EVA1C: variants seen among roughly 807,000 people sequenced by gnomAD.
The protein encoded by EVA1C is eva-1 homolog C.
Under a neutral mutation model 45.4 loss-of-function variants are expected in EVA1C, and 25 were observed. The observed-to-expected ratio is 0.55, with a 90% CI of 0.40 to 0.77. EVA1C has a LOEUF of 0.77. Ranked by LOEUF, EVA1C falls within the 30% of genes least tolerant of loss-of-function variation. The pLI is 0.00. For synonymous variants in EVA1C, 190 were observed against 221.2 expected (o/e 0.86, Z 1.25); for missense variants, 479 against 554.8 (o/e 0.86, Z 1.37).
chr21:32,486,440 G>A (rs1228401408), intron 4 of EVA1C, among the ~76,000 whole-genome samples: 1 of 152,078 alleles, frequency 6.6e-6, no homozygotes, highest in Non-Finnish European at 1.5e-5. Flanking sequence ...TGTTGTTCTT[G>A]ACTAACTTCT....
chr21:32,429,344 A>G (rs2034611488), intron 1 of EVA1C, among the ~76,000 whole-genome samples: 1 of 144,722 alleles, frequency 6.9e-6, no homozygotes, highest in Non-Finnish European at 1.5e-5. Flanking sequence ...CCTGGCCCTC[A>G]ATTTTATTTT....
rs141429643 is a variant in EVA1C, at chr21:32,450,166, C to A, written c.161-3146C>A. 3.3e-3 allele frequency among the ~76,000 whole-genome samples: 498 copies of A among 152,230 alleles called. 2 individuals are homozygous for A. Among genetic ancestry groups the A allele is most frequent in the African/African-American group, 0.011 (462 of 41,528 alleles). ...GGATTGGAGGCTCAGGCCACTGCACCGCACGTACAGGTCTTGATGTAAATG... is the reference window on the plus strand; with the variant it reads ...GGATTGGAGGCTCAGGCCACTGCACAGCACGTACAGGTCTTGATGTAAATG... On this transcript the variant is annotated intron_variant, in intron 1 of 7. Coordinates refer to ENST00000300255, the MANE Select transcript of EVA1C (RefSeq NM_058187.5).
At chr21:32,437,924 T>C (rs1176779807) in intron 1 of EVA1C, among the ~76,000 whole-genome samples, 4 of 152,214 alleles carry the variant, frequency 2.6e-5, no homozygotes, top group Non-Finnish European at 5.9e-5. Context: ...GCTGGAGGCC[T>C]TGGGACTCTA....
intron 6 of EVA1C, among the ~76,000 whole-genome samples, chr21:32,502,138 C>T (rs1363123255): frequency 2.0e-5 from 3 of 151,194 alleles, no homozygotes; most frequent in African/African-American, 4.9e-5. Flanking sequence ...TCGCTCTTGT[C>T]GCCCAGGCTG....
rs2037292507 is a variant in EVA1C, at chr21:32,494,904, C to G, written c.635-123C>G. 2.9e-6 allele frequency: 3 copies of G among 1,043,474 alleles called. No homozygotes were observed. The East Asian group carries it at 7.3e-5, about 25-fold the overall frequency. The allele number at this position is 1,043,474 out of a possible 1,614,324, so 64.6% of individuals were successfully genotyped here. ...GTGCTTTAATGAGACAGAAAATAAG[C>G]AGAGAAACTCTCCATTTGATTTGAA... is the stretch of plus-strand genomic sequence containing the variant. On this transcript the variant is annotated intron_variant, in intron 4 of 7. Transcript: ENST00000300255.
At chr21:32,456,993 G>C (rs9983927) in intron 2 of EVA1C, among the ~76,000 whole-genome samples, 5,914 of 152,308 alleles carry the variant, frequency 0.039, 133 homozygotes, top group African/African-American at 0.054. Flanking sequence ...TAAGAAAACT[G>C]CTCCCCGAGG....
chr21:32,513,253 T>A (rs990149275), intron 7 of EVA1C, among the ~76,000 whole-genome samples: 11 of 149,254 alleles, frequency 7.4e-5, no homozygotes, highest in Non-Finnish European at 1.3e-4. Context: ...CTCGGCTCAC[T>A]GCAAGCTCCA....
intron 4 of EVA1C, 62 bp downstream of exon 4, chr21:32,467,910 A>ATATG: frequency 9.6e-7 from 1 of 1,041,634 alleles, no homozygotes; most frequent in Non-Finnish European, 1.3e-6. Context: ...AATAGAATAT[A>ATATG]TATATATATA....
In EVA1C at chr21:32,482,206, C is replaced by G. The variant is rs563920796; in HGVS notation, c.635-12821C>G. Among the ~76,000 whole-genome samples the G allele has an allele frequency of 2.0e-5, 3 of 152,286 alleles. No individual in the cohort carries two copies. In the South Asian group the frequency reaches 6.2e-4, roughly 32 times the overall value. ...GCTCTGTTCTGCTGCCCACAGCTGC[C>G]ACAGATGGTCTTCCGGGACCTTAAA... On this transcript the variant is annotated intron_variant, in intron 4 of 7. Transcript: ENST00000300255.
chr21:32,488,765 T>C (rs895796440), intron 4 of EVA1C, among the ~76,000 whole-genome samples: 1 of 152,164 alleles, frequency 6.6e-6, no homozygotes, highest in Non-Finnish European at 1.5e-5. Flanking sequence ...TTTGTGTTTT[T>C]AGTAGAGACA....
intron 4 of EVA1C, among the ~76,000 whole-genome samples, chr21:32,470,293 G>A (rs1452577228): frequency 6.6e-6 from 1 of 152,206 alleles, no homozygotes; most frequent in Non-Finnish European, 1.5e-5. Flanking sequence ...TTTGGAACAC[G>A]TGCCTCCCAA....
At chr21:32,460,997 T>TGA (rs2146279811) in intron 3 of EVA1C, among the ~76,000 whole-genome samples, 1 of 152,300 alleles carries the variant, frequency 6.6e-6, no homozygotes, top group African/African-American at 2.4e-5. Context: ...CTGCCCGCAT[T>TGA]GGCCTCCCAA....
At chr21:32,425,732 A>AT (rs1200106855) in intron 1 of EVA1C, among the ~76,000 whole-genome samples, 2 of 152,096 alleles carry the variant, frequency 1.3e-5, no homozygotes, top group African/African-American at 2.4e-5. Flanking sequence ...TCCAAGAGTG[A>AT]TTTTGTCCCT....
In EVA1C at chr21:32,503,228, C is replaced by T. The variant is rs1484158625; in HGVS notation, c.860-698C>T. ...GCTTGTTTTATCTCTGGCCACACAG[C>T]AGACATCAAATCCATGCTTAAAGTG... On this transcript the variant is annotated intron_variant, in intron 6 of 7. Coordinates refer to ENST00000300255, the MANE Select transcript of EVA1C (RefSeq NM_058187.5). Among the ~76,000 whole-genome samples, 3 of 152,194 alleles carry T rather than the reference C, an allele frequency of 2.0e-5. No individual in the cohort carries two copies. The South Asian group carries it at 6.2e-4, about 31-fold the overall frequency.
chr21:32,433,065 T>A (rs113609133), intron 1 of EVA1C: 4,874 of 78,690 alleles, frequency 0.062, no homozygotes, highest in Non-Finnish European at 0.065. Context: ...GACTTCCACA[T>A]TAGCTCCAGG....
rs1416665098 is a variant in EVA1C, at chr21:32,425,569, CTG to C, written c.160+12560_160+12561del. 7.9e-5 allele frequency among the ~76,000 whole-genome samples: 12 copies of C among 152,224 alleles called. No individual in the cohort carries two copies. The East Asian group carries it at 2.3e-3, about 29-fold the overall frequency. On this transcript the variant is annotated intron_variant, in intron 1 of 7. Transcript: ENST00000300255. ...AAAGGTCTTTTCTTGTCTCAGATTT[CTG>C]TGTCTCTCCCTGGCTATTCAAGTCA...
intron 4 of EVA1C, among the ~76,000 whole-genome samples, chr21:32,475,987 T>G (rs1379613324): frequency 6.6e-6 from 1 of 152,154 alleles, no homozygotes; most frequent in Non-Finnish European, 1.5e-5. Context: ...TTATGTATGA[T>G]TTTTCTGCAT....
At chr21:32,494,319 C>T (rs2037269346) in intron 4 of EVA1C, among the ~76,000 whole-genome samples, 1 of 152,198 alleles carries the variant, frequency 6.6e-6, no homozygotes, top group Non-Finnish European at 1.5e-5. Flanking sequence ...CAGAAATAGT[C>T]TCTCCTGGAG....
Position 32,457,688 on chromosome 21 carries a change from A to AGG in EVA1C, c.449_450insGG (p.Tyr151AspfsTer14). On this transcript the variant is annotated frameshift_variant, in exon 3 of 8. Transcript: ENST00000300255. LOFTEE classifies it high-confidence loss of function. ...CCTGACCTTTGTCCAGGAAGCAGTA[A>AGG]ATACCTCCTGGTCTCCTTTAAATGC... The AGG allele has an allele frequency of 6.8e-6, 11 of 1,614,120 alleles. No homozygotes were observed. The highest frequency in any genetic ancestry group is 9.3e-6 in the Non-Finnish European group (11 of 1,180,030).
Sources: gnomAD v4.1 joint callset for allele counts (sites outside exome capture counted in the v4.1 genomes callset) on GRCh38, gnomAD v4.1.1 for gene constraint, MANE v1.5 for transcripts, NCBI Gene and HGNC (gene_info 2026-07-23, HGNC 2026-07-21) for gene names.